CHODL: variants seen among roughly 807,000 people sequenced by gnomAD.
The protein encoded by CHODL is transmembrane protein MT75.
In CHODL, 29 loss-of-function variants were observed where a neutral mutation model predicts 34.5. That is an observed-to-expected ratio of 0.84 (90% confidence interval 0.63 to 1.15). The LOEUF (loss-of-function observed/expected upper bound fraction) is 1.15, where lower values mean the gene tolerates loss of function less well. CHODL is among the 50% of genes most tolerant of loss of function. The pLI is 0.00. For synonymous variants in CHODL, 125 were observed against 116.1 expected, an observed-to-expected ratio of 1.08 and a Z score of -0.49; for missense variants, 332 against 332.5, an observed-to-expected ratio of 1.00 and a Z score of 0.01.
At chr21:18,243,041 C>T (rs2074096841), upstream of CHODL, among the ~76,000 whole-genome samples, 1 of 152,022 alleles carries the variant, frequency 6.6e-6, no homozygotes, top group Non-Finnish European at 1.5e-5. Flanking sequence ...AAAGGAGATC[C>T]CCTTCAGAAC....
chr21:18,225,617 A>G (rs567977178), intron 2 of CHODL, among the ~76,000 whole-genome samples: 16 of 152,274 alleles, frequency 1.1e-4, no homozygotes, highest in Middle Eastern at 6.8e-3. Flanking sequence ...GACAACATAA[A>G]AAACTTTATA....
upstream of CHODL, among the ~76,000 whole-genome samples, chr21:18,242,021 C>T (rs1601189750): frequency 6.6e-6 from 1 of 151,532 alleles, no homozygotes; most frequent in East Asian, 1.9e-4. Context: ...TGGACAAAGA[C>T]CCTTAACTTG....
intron 2 of CHODL, among the ~76,000 whole-genome samples, chr21:18,063,545 G>A (rs1313210683): frequency 6.6e-6 from 1 of 152,098 alleles, no homozygotes; most frequent in Non-Finnish European, 1.5e-5. Context: ...GTGTTTGCAA[G>A]AAACCCACCC....
At chr21:18,141,441 AAAGAC>A (rs1450610159) in intron 2 of CHODL, among the ~76,000 whole-genome samples, 1 of 152,124 alleles carries the variant, frequency 6.6e-6, no homozygotes, top group African/African-American at 2.4e-5. Context: ...GCAGTAGAGA[AAAGAC>A]ATTCTGAGTG....
At chr21:18,157,577 A>G (rs2146637468) in intron 2 of CHODL, among the ~76,000 whole-genome samples, 1 of 152,368 alleles carries the variant, frequency 6.6e-6, no homozygotes, top group East Asian at 1.9e-4. Flanking sequence ...GCCTAACCAT[A>G]ATGCCTTTAG....
At chr21:17,932,347 A>C (rs551476013) in intron 1 of CHODL, among the ~76,000 whole-genome samples, 61 of 152,296 alleles carry the variant, frequency 4.0e-4, no homozygotes, top group African/African-American at 1.4e-3. Context: ...ACACTTATAC[A>C]CTGTTTGTGG....
intron 5 of CHODL, among the ~76,000 whole-genome samples, chr21:18,264,428 C>T (rs753091783): frequency 8.6e-5 from 13 of 151,670 alleles, no homozygotes; most frequent in Non-Finnish European, 1.8e-4. Context: ...ATGGCAAAAC[C>T]CCATCTCTAC....
At chr21:18,106,742 G>A (rs547532433) in intron 2 of CHODL, among the ~76,000 whole-genome samples, 1 of 152,206 alleles carries the variant, frequency 6.6e-6, no homozygotes, top group South Asian at 2.1e-4. Context: ...TGATCCACCT[G>A]CCTTGGCCTC....
At chr21:18,203,914 T>TA (rs983934192) in intron 2 of CHODL, among the ~76,000 whole-genome samples, 1 of 152,140 alleles carries the variant, frequency 6.6e-6, no homozygotes, top group African/African-American at 2.4e-5. Flanking sequence ...ACTCCATTCT[T>TA]ATCTTAAGTG....
chr21:17,974,029 T>C (rs1883447376), intron 1 of CHODL, among the ~76,000 whole-genome samples: 1 of 152,196 alleles, frequency 6.6e-6, no homozygotes. Context: ...TCTACTTCTC[T>C]GTGCCAGAGT....
Position 17,973,562 on chromosome 21 carries a change from G to A in CHODL, c.-144-54310G>A, listed in dbSNP as rs539446478. 1.4e-3 allele frequency among the ~76,000 whole-genome samples: 204 copies of A among 150,380 alleles called. 2 individuals carry two copies. The highest frequency in any genetic ancestry group is 4.3e-3 in the African/African-American group (175 of 40,818). On this transcript the variant is annotated intron_variant, in intron 1 of 6. Transcript: ENST00000400127. ...CTCCCAAGTAGCTGGGACTACAGGCGCCCACCACCATGCCCAGCTAATTTT... is the reference window on the plus strand; with the variant it reads ...CTCCCAAGTAGCTGGGACTACAGGCACCCACCACCATGCCCAGCTAATTTT...
At chr21:18,152,298 T>C (rs535769735) in intron 2 of CHODL, among the ~76,000 whole-genome samples, 26 of 152,324 alleles carry the variant, frequency 1.7e-4, no homozygotes, top group Middle Eastern at 3.4e-3. Context: ...AAATCGATAT[T>C]TGTTTTATAT....
intron 1 of CHODL, among the ~76,000 whole-genome samples, chr21:18,001,390 C>T (rs1600878318): frequency 6.6e-6 from 1 of 152,184 alleles, no homozygotes; most frequent in Non-Finnish European, 1.5e-5. Context: ...GGGATGTTTC[C>T]TGTGAGTGTG....
intron 1 of CHODL, among the ~76,000 whole-genome samples, chr21:18,255,438 TA>T (rs1301210546): frequency 6.6e-6 from 1 of 152,122 alleles, no homozygotes; most frequent in Non-Finnish European, 1.5e-5. Context: ...CATATGTGTT[TA>T]ATATATAAGT....
Position 18,121,195 on chromosome 21 carries a change from G to T in CHODL, c.-45+93224G>T, listed in dbSNP as rs191209255. Among the ~76,000 whole-genome samples the T allele has an allele frequency of 6.8e-4, 104 of 152,238 alleles. No individual in the cohort carries two copies. In the Middle Eastern group the frequency reaches 0.01, roughly 15 times the overall value. On this transcript the variant is annotated intron_variant, in intron 2 of 6. Coordinates refer to the CHODL transcript ENST00000400127. ...ATAAGATCTTTTAGACTCAGCAGGGGTGTCCAATCTTTTGACTTCCCTGGG... is the reference window on the plus strand; with the variant it reads ...ATAAGATCTTTTAGACTCAGCAGGGTTGTCCAATCTTTTGACTTCCCTGGG...
intron 2 of CHODL, among the ~76,000 whole-genome samples, chr21:18,139,115 A>C (rs1439856960): frequency 2.0e-5 from 3 of 152,198 alleles, no homozygotes; most frequent in African/African-American, 7.2e-5. Flanking sequence ...ATTTGTGTAT[A>C]TATGTATGTT....
intron 1 of CHODL, among the ~76,000 whole-genome samples, chr21:18,026,198 A>T (rs2064173451): frequency 6.6e-6 from 1 of 152,222 alleles, no homozygotes; most frequent in Non-Finnish European, 1.5e-5. Flanking sequence ...CAGTAAGTTG[A>T]GTGACAAATA....
intron 2 of CHODL, among the ~76,000 whole-genome samples, chr21:18,226,749 A>G (rs2073934795): frequency 6.6e-6 from 1 of 152,106 alleles, no homozygotes. Flanking sequence ...GTCATTTTGA[A>G]TAAAGTAAAT....
At chr21:18,265,231 G>GTGTGTATATATATA (rs1301641933) in intron 5 of CHODL, among the ~76,000 whole-genome samples, 2 of 143,484 alleles carry the variant, frequency 1.4e-5, no homozygotes, top group Non-Finnish European at 3.0e-5. Flanking sequence ...ATATATATAT[G>GTGTGTATATATATA]TGTGTATATA....
Sources: allele counts gnomAD v4.1 joint callset (sites outside exome capture counted in the v4.1 genomes callset), GRCh38; gene constraint gnomAD v4.1.1; transcripts MANE v1.5; gene names NCBI Gene and HGNC (gene_info 2026-07-23, HGNC 2026-07-21).